LIFR: variants seen among roughly 807,000 people sequenced by gnomAD.
The protein encoded by LIFR is leukemia inhibitory factor receptor.
A neutral mutation model predicts 122.2 loss-of-function variants in LIFR; 84 were observed. That is an observed-to-expected ratio of 0.69 (90% confidence interval 0.58 to 0.82). The LOEUF (loss-of-function observed/expected upper bound fraction) is 0.82, where lower values mean the gene tolerates loss of function less well. LIFR is among the 40% of genes least tolerant of loss of function. The pLI is 0.00. For synonymous variants in LIFR, 422 were observed against 434.7 expected, an observed-to-expected ratio of 0.97 and a Z score of 0.36; for missense variants, 1,294 against 1,311.6, an observed-to-expected ratio of 0.99 and a Z score of 0.21.
At chr5:38,584,496 A>G (rs931473738) in intron 1 of LIFR, among the ~76,000 whole-genome samples, 18 of 152,176 alleles carry the variant, frequency 1.2e-4, no homozygotes, top group Non-Finnish European at 2.6e-4. Flanking sequence ...GCATATACAC[A>G]CATACACAAA....
chr5:38,483,975 A>C (rs1278811989), intron 18 of LIFR, among the ~76,000 whole-genome samples: 7 of 152,086 alleles, frequency 4.6e-5, no homozygotes, highest in Non-Finnish European at 1.0e-4. Context: ...CCTCTCTCCC[A>C]CGGAGCTCCC....
rs757644188 is a variant in LIFR, at chr5:38,530,586, C to T, written c.62G>A (p.Arg21Lys). The change falls in exon 2 of 20, where the codon AGG (arginine) becomes AAG (lysine). Residue 21 changes from arginine (R) to lysine (K), a missense_variant. By Grantham distance (26) the Arg-to-Lys change is conservative. Transcript: ENST00000453190. ...PSWMVDNKRM[R>K]TASNFQWLLS... ...CAGCCACTGGAAATTTGAAGCAGTCCTCATTCTTTTATTGTCCACCATCCA... is the reference window on the plus strand; with the variant it reads ...CAGCCACTGGAAATTTGAAGCAGTCTTCATTCTTTTATTGTCCACCATCCA... The T allele has an allele frequency of 6.2e-6, 10 of 1,612,084 alleles. No individual in the cohort carries two copies. Among genetic ancestry groups the T allele is most frequent in the Non-Finnish European group, 8.5e-6 (10 of 1,178,330 alleles).
chr5:38,535,322 T>C (rs975425700), intron 1 of LIFR, among the ~76,000 whole-genome samples: 3 of 152,218 alleles, frequency 2.0e-5, no homozygotes, highest in African/African-American at 7.2e-5. Flanking sequence ...ATGTTTGTCA[T>C]TGCCTCTGAG....
In LIFR at chr5:38,541,461, G is replaced by A. The variant is rs554925469; in HGVS notation, c.-19-10795C>T. On this transcript the variant is annotated intron_variant, in intron 1 of 19. Transcript: ENST00000453190. ...ATCAGAAACAACAAAATGTATCTCTGTTTGAACAAAATCTTTTCTAATACA... is the reference window on the plus strand; with the variant it reads ...ATCAGAAACAACAAAATGTATCTCTATTTGAACAAAATCTTTTCTAATACA... Among the ~76,000 whole-genome samples the A allele has an allele frequency of 1.6e-4, 24 of 152,308 alleles. No individual in the cohort carries two copies. The South Asian group carries it at 2.9e-3, about 18-fold the overall frequency.
chr5:38,603,164 C>T (rs1274308208), intron 2 of LIFR, among the ~76,000 whole-genome samples: 1 of 152,230 alleles, frequency 6.6e-6, no homozygotes, highest in East Asian at 1.9e-4. Context: ...AAGGCACCCA[C>T]TGGATCTCTT....
intron 1 of LIFR, among the ~76,000 whole-genome samples, chr5:38,570,442 T>G (rs1330214747): frequency 1.3e-5 from 2 of 152,206 alleles, no homozygotes; most frequent in Non-Finnish European, 2.9e-5. Context: ...TTTCCTCTTA[T>G]GAGCATACCT....
chr5:38,515,951 A>G (rs1746056154), intron 5 of LIFR, among the ~76,000 whole-genome samples: 1 of 152,224 alleles, frequency 6.6e-6, no homozygotes, highest in Admixed American at 6.5e-5. Flanking sequence ...GCAAAATAAT[A>G]GGATATCATA....
At chr5:38,484,166 T>C (rs907718592) in intron 18 of LIFR, among the ~76,000 whole-genome samples, 3 of 152,374 alleles carry the variant, frequency 2.0e-5, no homozygotes, top group Admixed American at 6.5e-5. Context: ...TGACGGGCCA[T>C]GGCCGACCAG....
At chr5:38,497,015 A>G (rs1314928194) in intron 12 of LIFR, among the ~76,000 whole-genome samples, 1 of 151,856 alleles carries the variant, frequency 6.6e-6, no homozygotes, top group Non-Finnish European at 1.5e-5. Context: ...AGTATCAGAA[A>G]AGATGAAGCT....
intron 1 of LIFR, among the ~76,000 whole-genome samples, chr5:38,591,739 C>T (rs1749927807): frequency 6.6e-6 from 1 of 152,158 alleles, no homozygotes; most frequent in African/African-American, 2.4e-5. Context: ...TTGGTGTATT[C>T]GTCACAAACA....
chr5:38,595,988 G>A (rs541755772), upstream of LIFR, among the ~76,000 whole-genome samples: 2 of 151,554 alleles, frequency 1.3e-5, no homozygotes, highest in Admixed American at 6.6e-5. Flanking sequence ...CACCTGCCTC[G>A]GCCTCCCAAA....
rs574013636 is a variant in LIFR, at chr5:38,513,355, T to C, written c.562-1391A>G. 2.6e-5 allele frequency among the ~76,000 whole-genome samples: 4 copies of C among 152,144 alleles called. 1 individual carries two copies. Among genetic ancestry groups the C allele is most frequent in the Non-Finnish European group, 5.9e-5 (4 of 68,012 alleles). On this transcript the variant is annotated intron_variant, in intron 5 of 19. Coordinates refer to ENST00000453190, the MANE Select transcript of LIFR (RefSeq NM_001127671.2). ...AGTGAGTGGCTATCCCAGGCTCCCC[T>C]GGAAATAAAGAGCTCAAAACAGCAG... is the stretch of plus-strand genomic sequence containing the variant.
chr5:38,602,571 T>C (rs1048826264), intron 2 of LIFR, among the ~76,000 whole-genome samples: 1 of 152,182 alleles, frequency 6.6e-6, no homozygotes, highest in African/African-American at 2.4e-5. Context: ...GCGGGCTAAA[T>C]TCTAATTCCT....
At chr5:38,606,055 A>C (rs1215980072) in intron 2 of LIFR, 1 of 152,214 alleles carries the variant, frequency 6.6e-6, no homozygotes, top group Admixed American at 6.5e-5. Context: ...GGGGTTCACA[A>C]GTGTTTGTGA....
At position 38,594,931 on chromosome 5, in the gene LIFR, C is replaced by T. The variant is rs141493384; in HGVS notation, c.-20+330G>A. Reference sequence around the variant, plus strand: ...TTGCTCTCTTCCTCAGGTGTCTGTGCGGTGCAGAAACTGTACAACTGTATA... The same window carrying T: ...TTGCTCTCTTCCTCAGGTGTCTGTGTGGTGCAGAAACTGTACAACTGTATA... On this transcript the variant is annotated intron_variant, in intron 1 of 19. Transcript: ENST00000263409. 145 of 201,030 alleles carry T rather than the reference C, an allele frequency of 7.2e-4. 1 individual carries two copies. The East Asian group carries it at 0.011, about 15-fold the overall frequency. The allele number at this position is 201,030 out of a possible 1,614,324, so 12.5% of individuals were successfully genotyped here. A position where few individuals can be genotyped will look rare whatever the true frequency, so the allele number is the denominator to read the frequency against.
chr5:38,481,505 G>A lies in LIFR; in HGVS notation c.*90C>T. 7.5e-7 allele frequency: 1 copy of A among 1,325,226 alleles called. No individual in the cohort carries two copies. 82.1% of individuals were successfully genotyped at this position (1,325,226 alleles called of 1,614,324 possible). ...GTTCACCTCCTAACAATACTTCACA[G>A]GATCCCTCCAAGAATGCCCAGTGCT... On this transcript the variant is annotated 3_prime_UTR_variant, in exon 20 of 20. Coordinates refer to ENST00000453190, the MANE Select transcript of LIFR (RefSeq NM_001127671.2).
intron 5 of LIFR, among the ~76,000 whole-genome samples, chr5:38,516,943 AAACT>A (rs1316273776): frequency 1.3e-5 from 2 of 152,160 alleles, no homozygotes; most frequent in Non-Finnish European, 2.9e-5. Context: ...CATTCTCAGC[AAACT>A]AACACAGGAA....
At chr5:38,542,097 CAT>C (rs1747621373) in intron 1 of LIFR, among the ~76,000 whole-genome samples, 1 of 152,090 alleles carries the variant, frequency 6.6e-6, no homozygotes, top group South Asian at 2.1e-4. Flanking sequence ...TAACATGAAA[CAT>C]AAATTATGAT....
Position 38,533,425 on chromosome 5 carries a change from T to C in LIFR, c.-19-2759A>G, listed in dbSNP as rs16903995. Among the ~76,000 whole-genome samples the C allele has an allele frequency of 4.1e-3, 619 of 152,300 alleles. 3 individuals carry two copies. Among genetic ancestry groups the C allele is most frequent in the African/African-American group, 0.014 (579 of 41,552 alleles). ...CAGAACTTGAGCCTGGGGCCCCACA[T>C]GGCAAAGTTCAGTCCTGTCAACACG... On this transcript the variant is annotated intron_variant, in intron 1 of 19. Coordinates refer to ENST00000453190, the MANE Select transcript of LIFR (RefSeq NM_001127671.2).
Sources: allele counts gnomAD v4.1 joint callset (sites outside exome capture counted in the v4.1 genomes callset), GRCh38; gene constraint gnomAD v4.1.1; transcripts MANE v1.5; gene names NCBI Gene and HGNC (gene_info 2026-07-23, HGNC 2026-07-21).